The following RTCB variants were observed in gnomAD, a reference collection of about 807,000 sequenced individuals.
RTCB encodes the protein RNA 2',3'-cyclic phosphate and 5'-OH ligase.
Under a neutral mutation model 58.2 loss-of-function variants are expected in RTCB, and 32 were observed. The ratio of observed to expected loss-of-function variants is 0.55; its 90% CI spans 0.41 to 0.74. The LOEUF is 0.74. Among genes scored for constraint, RTCB ranks in the 30% least tolerant of loss-of-function variants. The pLI is 0.00. For synonymous variants in RTCB, 247 were observed against 218.6 expected, an observed-to-expected ratio of 1.13 and a Z score of -1.15; for missense variants, 523 against 639.0, an observed-to-expected ratio of 0.82 and a Z score of 1.96.
chr22:32,402,518 C>T (rs926433180), intron 4 of RTCB, among the ~76,000 whole-genome samples: 5 of 152,166 alleles, frequency 3.3e-5, no homozygotes, highest in Non-Finnish European at 5.9e-5. Context: ...GGGGTGATCT[C>T]GGCTCACTGC....
rs1405456641 is a variant in RTCB at position 32,396,641 on chromosome 22, A to G, written c.815-392T>C. Among the ~76,000 whole-genome samples, 5 of 152,368 alleles carry G rather than the reference A, an allele frequency of 3.3e-5. No homozygotes were observed. The East Asian group carries it at 9.6e-4, about 29-fold the overall frequency. On this transcript the variant is annotated intron_variant, in intron 7 of 11. Coordinates refer to ENST00000216038, the MANE Select transcript of RTCB (RefSeq NM_014306.5). ...CATGACAAAATGCAGAGAAGTACTC[A>G]GGGGAATGTTCTGAAACACTAGTTG...
chr22:32,392,595 C>T (rs1381717042), intron 10 of RTCB: 4 of 655,952 alleles, frequency 6.1e-6, no homozygotes, highest in Middle Eastern at 2.4e-4. Flanking sequence ...CAGCAGCATC[C>T]CTCGCCTCTA....
chr22:32,402,639 C>T (rs1253052226), intron 4 of RTCB, among the ~76,000 whole-genome samples: 5 of 132,584 alleles, frequency 3.8e-5, no homozygotes, highest in Admixed American at 1.6e-4. Flanking sequence ...TTAGTAGAGA[C>T]GGGGTTTCAC....
chr22:32,409,823 GT>G (rs1265587832), intron 1 of RTCB, among the ~76,000 whole-genome samples: 8 of 38,792 alleles, frequency 2.1e-4, no homozygotes, highest in Admixed American at 7.3e-4. Context: ...ATATACTTTT[GT>G]TTTTTTTTTT....
chr22:32,400,041 TCA>T (rs796428367), intron 5 of RTCB: 2 of 262,618 alleles, frequency 7.6e-6, no homozygotes, highest in African/African-American at 2.2e-5. Context: ...TTTTTTATAT[TCA>T]GTTTTGCCTC....
In RTCB at chr22:32,401,884, G is replaced by T. The variant is rs758258203; in HGVS notation, c.360C>A (p.Ile120=). 3 of 1,613,910 alleles carry T rather than the reference G, an allele frequency of 1.9e-6. No homozygotes were observed. Among genetic ancestry groups the T allele is most frequent in the Non-Finnish European group, 2.5e-6 (3 of 1,179,930 alleles). ...TTCTTAGCAAGCGGACACCACAGTT[G>T]ATGTCAAACCCGACACCACCTACAA... The part of the protein sequence containing the change: ...VVSPGGVGFD[I]NCGVRLLRTN... Residue 120 remains isoleucine (I), a synonymous_variant, in exon 5 of 12, where the codon ATC becomes ATA. Transcript: ENST00000216038.
intron 10 of RTCB, among the ~76,000 whole-genome samples, chr22:32,393,491 C>G (rs561072127): frequency 1.3e-5 from 2 of 151,910 alleles, no homozygotes; most frequent in Admixed American, 1.3e-4. Flanking sequence ...TCCTTCCAAT[C>G]TTGCGTGGAC....
chr22:32,408,860 T>C (rs1340960941), intron 1 of RTCB, 27 bp from the exon 2 acceptor site: 9 of 1,536,404 alleles, frequency 5.9e-6, no homozygotes, highest in South Asian at 2.2e-5. Context: ...TGAAAAGCAA[T>C]GTCTGAGTAC....
intron 8 of RTCB, 148 bp from the exon 9 acceptor site, chr22:32,395,362 G>A (rs1933228834): frequency 3.1e-6 from 2 of 644,410 alleles, no homozygotes; most frequent in Non-Finnish European, 2.6e-6. Flanking sequence ...TTATCTTCAC[G>A]TAAAGGACAA....
At chr22:32,411,350 C>A (rs2145900763) in intron 1 of RTCB, among the ~76,000 whole-genome samples, 1 of 152,238 alleles carries the variant, frequency 6.6e-6, no homozygotes, top group South Asian at 2.1e-4. Context: ...GTGATGAAGG[C>A]CGAGAGATAC....
chr22:32,395,460 T>C (rs5754065), intron 8 of RTCB, among the ~76,000 whole-genome samples: 13,430 of 152,252 alleles, frequency 0.088, 984 homozygotes, highest in East Asian at 0.45. Flanking sequence ...GATCCCACCT[T>C]TCAAAATTGC....
At chr22:32,395,944 C>G (rs529452977) in intron 8 of RTCB, 130 bp downstream of exon 8, 17 of 729,816 alleles carry the variant, frequency 2.3e-5, no homozygotes, top group East Asian at 1.1e-4. Context: ...TGTGATCCGC[C>G]CCCCCTCGGC....
chr22:32,388,796 T>C (rs1463635122), intron 11 of RTCB, among the ~76,000 whole-genome samples: 1 of 152,152 alleles, frequency 6.6e-6, no homozygotes, highest in African/African-American at 2.4e-5. Context: ...TAATATCCTT[T>C]TCTATCCCAT....
intron 1 of RTCB, among the ~76,000 whole-genome samples, chr22:32,409,574 TAATC>T (rs1252980413): frequency 1.3e-5 from 2 of 152,220 alleles, no homozygotes; most frequent in Non-Finnish European, 2.9e-5. Flanking sequence ...ATTTAACACT[TAATC>T]AATTGAATGT....
At chr22:32,408,699 C>T in intron 2 of RTCB, 56 bp downstream of exon 2, 1 of 1,289,916 alleles carries the variant, frequency 7.8e-7, no homozygotes. Flanking sequence ...GCCACTTTTT[C>T]AGGCCACAGG....
At chr22:32,406,568 G>T (rs144656097) in intron 4 of RTCB, 94 bp downstream of exon 4, 3 of 747,158 alleles carry the variant, frequency 4.0e-6, no homozygotes, top group Admixed American at 1.9e-5. Flanking sequence ...TGATCCACCC[G>T]CCTCGGCCTC....
intron 7 of RTCB, among the ~76,000 whole-genome samples, chr22:32,396,822 C>T (rs892310724): frequency 2.6e-5 from 4 of 152,264 alleles, no homozygotes; most frequent in South Asian, 4.2e-4. Context: ...TTCATTGATT[C>T]GCTGTTGGAG....
At position 32,394,327 on chromosome 22, in the gene RTCB, G is replaced by C. The variant is rs574580790; in HGVS notation, c.1180-325C>G. On this transcript the variant is annotated intron_variant, in intron 9 of 11. Coordinates refer to ENST00000216038, the MANE Select transcript of RTCB (RefSeq NM_014306.5). ...GGAGTTTCACCATGTTAGCCAGGAT[G>C]GTCTCGATCTCCCGAACTCGTGATT... Among the ~76,000 whole-genome samples the C allele has an allele frequency of 1.4e-3, 216 of 152,104 alleles. 3 individuals are homozygous for C. The highest frequency in any genetic ancestry group is 5.0e-3 in the African/African-American group (206 of 41,504).
chr22:32,401,672 T>G, intron 5 of RTCB, 75 bp downstream of exon 5: 2 of 1,493,208 alleles, frequency 1.3e-6, no homozygotes, highest in Non-Finnish European at 1.8e-6. Flanking sequence ...TCAAGTGTAC[T>G]GCACTGGAAA....
Sources: gnomAD v4.1 joint callset for allele counts (sites outside exome capture counted in the v4.1 genomes callset) on GRCh38, gnomAD v4.1.1 for gene constraint, MANE v1.5 for transcripts, NCBI Gene and HGNC (gene_info 2026-07-23, HGNC 2026-07-21) for gene names.